GPR39: variants seen among roughly 807,000 people sequenced by gnomAD.
GPR39 encodes the protein zinc sensing receptor.
GPR39 carries 23 observed loss-of-function variants against 18.4 expected under a neutral mutation model. That is an observed-to-expected ratio of 1.25 (90% CI 0.90 to 1.77). GPR39 has a LOEUF of 1.77. Ranked by LOEUF, GPR39 falls within the 40% of genes most tolerant of loss-of-function variation. GPR39 has a pLI of 0.00. For synonymous variants in GPR39, 280 were observed against 257.9 expected (o/e 1.09, Z -0.82); for missense variants, 647 against 602.4 (o/e 1.07, Z -0.78).
intron 1 of GPR39, among the ~76,000 whole-genome samples, chr2:132,423,012 C>A (rs867318550): frequency 2.0e-5 from 3 of 151,932 alleles, no homozygotes; most frequent in Admixed American, 2.0e-4. Flanking sequence ...GTTGAGACAG[C>A]GCCGTGGAAG....
At chr2:132,443,770 T>A (rs994473302) in intron 1 of GPR39, among the ~76,000 whole-genome samples, 2 of 152,248 alleles carry the variant, frequency 1.3e-5, no homozygotes, top group South Asian at 4.1e-4. Context: ...ACTTTAAACA[T>A]ATTTTTAAAA....
chr2:132,417,579 C>T lies in GPR39; in HGVS notation c.537C>T (p.Pro179=), dbSNP rs34714906. 20,551 of 1,614,050 alleles carry T rather than the reference C, an allele frequency of 0.013. 1,530 individuals are homozygous for T. The African/African-American group carries it at 0.19, about 15-fold the overall frequency. ...TGTTTGCCATGGGTACTGAGTACCC[C>T]CTGGTGAACGTGCCCAGCCACCGGG... The part of the protein sequence containing the change: ...PLLFAMGTEY[P]LVNVPSHRGL... The change falls in exon 1 of 2, where the codon CCC becomes CCT. Residue 179 remains proline (P), a synonymous_variant. Transcript: ENST00000329321.
rs970826104 is a variant in GPR39, at chr2:132,455,468, TTCTCTA to T, written c.856+37576_856+37581del. On this transcript the variant is annotated intron_variant, in intron 1 of 1. Transcript: ENST00000329321. ...CATTGAATTTTGAAGGGTTTTTTGT[TTCTCTA>T]TCTCTTTCAGTTCTGCTCTGATCTT... Among the ~76,000 whole-genome samples, 59 of 152,100 alleles carry T rather than the reference TTCTCTA, an allele frequency of 3.9e-4. 1 individual carries two copies. Among genetic ancestry groups the T allele is most frequent in the African/African-American group, 1.4e-3 (56 of 41,432 alleles).
chr2:132,528,136 T>A (rs72848739), intron 1 of GPR39, among the ~76,000 whole-genome samples: 16,249 of 152,234 alleles, frequency 0.11, 1,053 homozygotes, highest in South Asian at 0.25. Flanking sequence ...TCAGTATCAG[T>A]TTTCTTCACA....
rs1203906524 is a variant in GPR39 at position 132,493,163 on chromosome 2, TATATACACC to T, written c.856+75271_856+75279del. ...ATATATACATTCCATATATATACCA[TATATACACC>T]ATATATACACCATATATATACACCA... On this transcript the variant is annotated intron_variant, in intron 1 of 1. Coordinates refer to ENST00000329321, the MANE Select transcript of GPR39 (RefSeq NM_001508.3). Among the ~76,000 whole-genome samples the T allele has an allele frequency of 1.6e-4, 23 of 142,294 alleles. No homozygotes were observed. In the South Asian group the frequency reaches 4.2e-3, roughly 26 times the overall value. 93.4% of individuals were successfully genotyped at this position (142,294 alleles called of 152,430 possible).
At chr2:132,569,126 A>C (rs1203256488) in intron 1 of GPR39, among the ~76,000 whole-genome samples, 1 of 152,118 alleles carries the variant, frequency 6.6e-6, no homozygotes, top group Non-Finnish European at 1.5e-5. Flanking sequence ...GTAACTTCTT[A>C]GTAAGTGGCA....
At position 132,417,234 on chromosome 2, in the gene GPR39, G is replaced by A. The variant is rs771385346; in HGVS notation, c.192G>A (p.Leu64=). 1 of 1,614,062 alleles carries A rather than the reference G, an allele frequency of 6.2e-7. No individual in the cohort carries two copies. The highest frequency in any genetic ancestry group is 1.3e-5 in the African/African-American group (1 of 74,934). Reference sequence around the variant, plus strand: ...AGGTGCTGCAGAAGAAAGGATACTTGCAGAAGGAGGTGACAGACCACATGG... The same window carrying A: ...AGGTGCTGCAGAAGAAAGGATACTTACAGAAGGAGGTGACAGACCACATGG... ...VTQVLQKKGY[L]QKEVTDHMVS... is the part of the protein sequence containing the mutation. The change falls in exon 1 of 2, where the codon TTG becomes TTA. Residue 64 remains leucine (L), a synonymous_variant. Transcript: ENST00000329321.
intron 1 of GPR39, among the ~76,000 whole-genome samples, chr2:132,616,883 A>G (rs1430666380): frequency 2.0e-5 from 3 of 152,336 alleles, no homozygotes; most frequent in South Asian, 2.1e-4. Flanking sequence ...CTTTCTCTCA[A>G]TGCCCCGCTC....
At chr2:132,429,942 C>T (rs1680194433) in intron 1 of GPR39, among the ~76,000 whole-genome samples, 1 of 152,148 alleles carries the variant, frequency 6.6e-6, no homozygotes, top group African/African-American at 2.4e-5. Context: ...GAAAAGTAGA[C>T]TGAGTTAAAT....
intron 1 of GPR39, among the ~76,000 whole-genome samples, chr2:132,419,331 C>T (rs557091448): frequency 6.6e-6 from 1 of 152,182 alleles, no homozygotes; most frequent in Admixed American, 6.5e-5. Context: ...TAGAGAAGAC[C>T]TAGTTCAGAA....
intron 1 of GPR39, among the ~76,000 whole-genome samples, chr2:132,640,216 C>T (rs938639413): frequency 6.6e-6 from 1 of 152,186 alleles, no homozygotes; most frequent in Non-Finnish European, 1.5e-5. Context: ...CACCATGTCC[C>T]AGCCTGCAGA....
rs541633150 is a variant in GPR39 at position 132,645,263 on chromosome 2, A to G, written c.1019A>G (p.Asn340Ser). The G allele has an allele frequency of 3.1e-6, 5 of 1,613,930 alleles. No homozygotes were observed. In the Admixed American group the frequency reaches 5.0e-5, roughly 16 times the overall value. ...TTTTTCTACCTCAGCTCGGTCATCA[A>G]CCCGCTCCTGTACACGGTGTCCTCG... ...ETFFYLSSVI[N>S]PLLYTVSSQQ... The change falls in exon 2 of 2, where the codon AAC becomes AGC. Residue 340 changes from asparagine (N) to serine (S), a missense_variant. By Grantham distance (46) the Asn-to-Ser change is conservative. This residue lies in a region of GPR39 where 581 missense variants were observed against 506.8 expected (regional missense o/e 1.15). Coordinates refer to ENST00000329321, the MANE Select transcript of GPR39 (RefSeq NM_001508.3).
intron 1 of GPR39, among the ~76,000 whole-genome samples, chr2:132,551,247 G>C (rs896864514): frequency 3.3e-5 from 5 of 150,120 alleles, no homozygotes; most frequent in Non-Finnish European, 7.4e-5. Flanking sequence ...GAAAGAGAAA[G>C]AGGGGGAGCA....
Position 132,645,138 on chromosome 2 carries a change from C to CA in GPR39, c.896dup (p.Asn299LysfsTer108), listed in dbSNP as rs756848610. 6.2e-7 allele frequency: 1 copy of CA among 1,613,980 alleles called. No homozygotes were observed. Among genetic ancestry groups the CA allele is most frequent in the Non-Finnish European group, 8.5e-7 (1 of 1,179,944 alleles). On this transcript the variant is annotated frameshift_variant, in exon 2 of 2. Transcript: ENST00000329321. LOFTEE classifies it low-confidence loss of function (END_TRUNC). ...TGACATTGGCCGTATGCTGGATGCC[C>CA]AACCAGATTCGGAGGATCATGGCTG...
At chr2:132,594,050 T>C (rs1049397688) in intron 1 of GPR39, among the ~76,000 whole-genome samples, 7 of 152,200 alleles carry the variant, frequency 4.6e-5, no homozygotes, top group Admixed American at 3.9e-4. Context: ...ATCTCTGGGT[T>C]GATTGTCACA....
chr2:132,537,357 G>A (rs1249260328), intron 1 of GPR39, among the ~76,000 whole-genome samples: 1 of 152,102 alleles, frequency 6.6e-6, no homozygotes, highest in Non-Finnish European at 1.5e-5. Context: ...GAAATTCTGG[G>A]TTGAAAATTC....
chr2:132,464,186 T>C (rs1263681790), intron 1 of GPR39, among the ~76,000 whole-genome samples: 3 of 152,208 alleles, frequency 2.0e-5, no homozygotes, highest in African/African-American at 4.8e-5. Flanking sequence ...CATGAGCTTA[T>C]CCATGACGAA....
At chr2:132,520,249 CA>C (rs1232800923) in intron 1 of GPR39, among the ~76,000 whole-genome samples, 3 of 152,198 alleles carry the variant, frequency 2.0e-5, no homozygotes, top group Admixed American at 6.5e-5. Context: ...CCAAGCAAGG[CA>C]AATGCCTTTG....
At chr2:132,441,054 C>A (rs1573603530) in intron 1 of GPR39, among the ~76,000 whole-genome samples, 2 of 152,208 alleles carry the variant, frequency 1.3e-5, no homozygotes, top group East Asian at 3.9e-4. Flanking sequence ...TGATCCATAG[C>A]CATGCTCATA....
Sources: allele counts gnomAD v4.1 joint callset (sites outside exome capture counted in the v4.1 genomes callset), GRCh38; gene constraint gnomAD v4.1.1; regional missense constraint gnomAD v4.1.1; transcripts MANE v1.5; gene names NCBI Gene and HGNC (gene_info 2026-07-23, HGNC 2026-07-21).